BAHCC1: variants seen among roughly 807,000 people sequenced by gnomAD.
BAHCC1 encodes BAH domain and coiled-coil containing 1, also known as BAH and coiled-coil domain-containing protein 1.
BAHCC1 carries 43 observed loss-of-function variants against 88.2 expected under a neutral mutation model. The ratio of observed to expected loss-of-function variants is 0.49; its 90% CI spans 0.38 to 0.63. BAHCC1 has a LOEUF of 0.63. Among genes scored for constraint, BAHCC1 ranks in the 20% least tolerant of loss-of-function variants. BAHCC1 has a pLI of 0.00. For synonymous variants in BAHCC1, 1,510 were observed against 745.5 expected (o/e 2.03, Z -16.71); for missense variants, 3,023 against 1,654.8 (o/e 1.83, Z -14.34).
At chr17:81,450,165 T>C (rs1555655488) in intron 11 of BAHCC1, among the ~76,000 whole-genome samples, 2 of 152,168 alleles carry the variant, frequency 1.3e-5, no homozygotes, top group African/African-American at 4.8e-5. Flanking sequence ...TCCCAGGGGA[T>C]ACCAGCACCT....
chr17:81,421,491 G>A (rs2064115329), intron 2 of BAHCC1, among the ~76,000 whole-genome samples: 1 of 152,248 alleles, frequency 6.6e-6, no homozygotes. Flanking sequence ...AGTGGGATAG[G>A]GAGGGCCTCA....
At chr17:81,416,917 C>T (rs973486075) in intron 2 of BAHCC1, among the ~76,000 whole-genome samples, 4 of 152,188 alleles carry the variant, frequency 2.6e-5, no homozygotes, top group African/African-American at 4.8e-5. Context: ...CCCTACAGCC[C>T]GGCTCTGTCG....
chr17:81,450,612 G>C lies in BAHCC1; in HGVS notation c.3977-1056G>C, dbSNP rs2064615439. On this transcript the variant is annotated intron_variant, in intron 11 of 27. Transcript: ENST00000675386. ...GCCTGCCCCAGGGCTGGAGCGTGCT[G>C]GAAAGGGCTTGGCAGAGCCCAGCAC... Among the ~76,000 whole-genome samples, 7 of 152,244 alleles carry C rather than the reference G, an allele frequency of 4.6e-5. No individual in the cohort carries two copies. In the South Asian group the frequency reaches 1.4e-3, roughly 31 times the overall value.
In BAHCC1 at chr17:81,411,701, C is replaced by T; in HGVS notation, c.178+11784C>T. On this transcript the variant is annotated intron_variant, in intron 2 of 27. Transcript: ENST00000675386. The surrounding 1 kb of genome is among the most constrained non-coding windows in gnomAD (Gnocchi z 6.2). Reference sequence around the variant, plus strand: ...TCCAGGCAGCTCCCCTTCCACTCTGCCCAGCCCACCCTGCCAGGGAGGCCT... The same window carrying T: ...TCCAGGCAGCTCCCCTTCCACTCTGTCCAGCCCACCCTGCCAGGGAGGCCT... 1 of 316,786 alleles carries T rather than the reference C, an allele frequency of 3.2e-6. No individual in the cohort carries two copies. The highest frequency in any genetic ancestry group is 2.4e-5 in the South Asian group (1 of 40,978). The allele number at this position is 316,786 out of a possible 1,614,324, so 19.6% of individuals were successfully genotyped here.
chr17:81,443,226 C>T lies in BAHCC1; in HGVS notation c.1877C>T (p.Pro626Leu), dbSNP rs572608781. Residue 626 changes from proline (P) to leucine (L), a missense_variant, in exon 5 of 28, where the codon CCG becomes CTG. By Grantham distance (98) the Pro-to-Leu change is moderately conservative (BLOSUM62 -3). Transcript: ENST00000675386. ...CTTCTGCCCCAGGAACTGCCTGCGCCGCCGGACGAGGTCTCAGCCATGAAG... is the reference window on the plus strand; with the variant it reads ...CTTCTGCCCCAGGAACTGCCTGCGCTGCCGGACGAGGTCTCAGCCATGAAG... ...AALLPQELPA[P>L]PDEVSAMKNL... 16 of 779,422 alleles carry T rather than the reference C, an allele frequency of 2.1e-5. No individual in the cohort carries two copies. Among genetic ancestry groups the T allele is most frequent in the East Asian group, 4.8e-5 (2 of 41,248 alleles). The allele number at this position is 779,422 out of a possible 1,614,324, so 48.3% of individuals were successfully genotyped here.
At chr17:81,412,802 G>A (rs1452500960) in intron 2 of BAHCC1, among the ~76,000 whole-genome samples, 2 of 152,240 alleles carry the variant, frequency 1.3e-5, no homozygotes, top group African/African-American at 4.8e-5. Context: ...CACAGCTTCT[G>A]TGAGTCGGGA....
chr17:81,444,009 T>C (rs916939041), intron 6 of BAHCC1, 92 bp downstream of exon 6: 1 of 675,558 alleles, frequency 1.5e-6, no homozygotes, highest in Non-Finnish European at 2.7e-6. Context: ...GGGGTGGTCA[T>C]GGCTGGGGCA....
rs556029686 is a variant in BAHCC1, at chr17:81,434,736, G to A, written c.359-3634G>A. 6.6e-6 allele frequency among the ~76,000 whole-genome samples: 1 copy of A among 152,114 alleles called. No homozygotes were observed. The highest frequency in any genetic ancestry group is 2.4e-5 in the African/African-American group (1 of 41,410). On this transcript the variant is annotated intron_variant, in intron 3 of 27. Coordinates refer to ENST00000675386, the MANE Select transcript of BAHCC1 (RefSeq NM_001377448.1). The surrounding 1 kb of genome is among the most constrained non-coding windows in gnomAD (Gnocchi z 4.9). Reference sequence around the variant, plus strand: ...TCCACGGCAGGGATGCTCCCTGGAAGGGCAGCCTGGGGGGTGGGTTGTGGC... The same window carrying A: ...TCCACGGCAGGGATGCTCCCTGGAAAGGCAGCCTGGGGGGTGGGTTGTGGC...
Position 81,458,555 on chromosome 17 carries a change from A to G in BAHCC1, c.5344-66A>G, listed in dbSNP as rs1254947641. 6 of 563,724 alleles carry G rather than the reference A, an allele frequency of 1.1e-5. No individual in the cohort carries two copies. In the East Asian group the frequency reaches 1.8e-4, roughly 17 times the overall value. 34.9% of individuals were successfully genotyped at this position (563,724 alleles called of 1,614,324 possible). ...GCCCTCCCCCGCACGCTGGCCCCTG[A>G]GCTCTGGGTCAACCTGAGGCTGTCC... On this transcript the variant is annotated intron_variant, in intron 18 of 27. Transcript: ENST00000675386.
At chr17:81,438,137 C>T (rs548506561) in intron 3 of BAHCC1, among the ~76,000 whole-genome samples, 2 of 152,374 alleles carry the variant, frequency 1.3e-5, no homozygotes, top group Admixed American at 6.5e-5. Flanking sequence ...CCGTCCTCCC[C>T]TCTCCCCAGC....
In BAHCC1 at chr17:81,460,330, G is replaced by A. The variant is rs781919135; in HGVS notation, c.5959G>A (p.Asp1987Asn). 1.8e-5 allele frequency: 14 copies of A among 776,710 alleles called. No homozygotes were observed. The highest frequency in any genetic ancestry group is 4.1e-5 in the South Asian group (3 of 73,762). The allele number at this position is 776,710 out of a possible 1,614,324, so 48.1% of individuals were successfully genotyped here. The stretch of plus-strand genomic sequence containing the variant: ...GGACTCAGTAGTGGTGGAATTTGAC[G>A]ATGGGGATACAGGCCACATCGCCGT... ...DLDSVVVEFD[D>N]GDTGHIAVSN... Residue 1987 changes from aspartate to asparagine, a missense_variant, in exon 24 of 28, where the codon GAT (aspartate) becomes AAT (asparagine). Transcript: ENST00000675386.
At chr17:81,416,743 C>T (rs1555648804) in intron 2 of BAHCC1, among the ~76,000 whole-genome samples, 1 of 152,222 alleles carries the variant, frequency 6.6e-6, no homozygotes, top group Admixed American at 6.5e-5. Context: ...CTTTCTTCAG[C>T]TGCTCTGGCA....
In BAHCC1 at chr17:81,411,473, C is replaced by CCCCT. The variant is rs1567997907; in HGVS notation, c.178+11557_178+11560dup. On this transcript the variant is annotated intron_variant, in intron 2 of 27. Transcript: ENST00000675386. The surrounding 1 kb of genome is among the most constrained non-coding windows in gnomAD (Gnocchi z 6.2). ...TCCTTGAGGTCGTCAGCCAGCCCCA[C>CCCCT]CCCTGCCTGCCTGCCTGCCTGCCTG... 1 of 286,522 alleles carries CCCCT rather than the reference C, an allele frequency of 3.5e-6. No homozygotes were observed. Among genetic ancestry groups the CCCCT allele is most frequent in the Non-Finnish European group, 7.0e-6 (1 of 142,168 alleles). 17.7% of individuals were successfully genotyped at this position (286,522 alleles called of 1,614,324 possible). A position where few individuals can be genotyped will look rare whatever the true frequency, so the allele number is the denominator to read the frequency against.
chr17:81,401,098 C>T (rs575083196), intron 2 of BAHCC1: 1 of 152,322 alleles, frequency 6.6e-6, no homozygotes, highest in East Asian at 1.9e-4. Flanking sequence ...AATGGGATTA[C>T]AATTAGTGTG....
At chr17:81,397,639 G>T (rs1427622640) in intron 1 of BAHCC1, among the ~76,000 whole-genome samples, 1 of 152,004 alleles carries the variant, frequency 6.6e-6, no homozygotes, top group South Asian at 2.1e-4. Context: ...AGTCCAGCCC[G>T]GGCAGCCCCT....
intron 14 of BAHCC1, among the ~76,000 whole-genome samples, chr17:81,454,668 C>A (rs2064712733): frequency 6.6e-6 from 1 of 152,170 alleles, no homozygotes; most frequent in Non-Finnish European, 1.5e-5. Flanking sequence ...TGCCCCACTC[C>A]TAAGGGTGGT....
At chr17:81,416,203 CGT>C (rs1387998576) in intron 2 of BAHCC1, among the ~76,000 whole-genome samples, 2 of 108,832 alleles carry the variant, frequency 1.8e-5, no homozygotes, top group Non-Finnish European at 3.7e-5. Context: ...GGTGTATGCG[CGT>C]GTGTACGTGT....
Position 81,435,213 on chromosome 17 carries a change from G to A in BAHCC1, c.359-3157G>A, listed in dbSNP as rs1202710084. On this transcript the variant is annotated intron_variant, in intron 3 of 27. Transcript: ENST00000675386. The surrounding 1 kb of genome is among the most constrained non-coding windows in gnomAD (Gnocchi z 4.4). ...GTGAGCTCAGGCCTGGGGGTGGTTG[G>A]GAGGGGTCTGGGGGTGTGGCCATTG... Among the ~76,000 whole-genome samples, 5 of 152,154 alleles carry A rather than the reference G, an allele frequency of 3.3e-5. No homozygotes were observed. Among genetic ancestry groups the A allele is most frequent in the South Asian group, 4.1e-4 (2 of 4,836 alleles).
In BAHCC1 at chr17:81,434,799, G is replaced by T. The variant is rs371441180; in HGVS notation, c.359-3571G>T. On this transcript the variant is annotated intron_variant, in intron 3 of 27. Coordinates refer to ENST00000675386, the MANE Select transcript of BAHCC1 (RefSeq NM_001377448.1). The surrounding 1 kb of genome is among the most constrained non-coding windows in gnomAD (Gnocchi z 4.9). ...TCTGGCAAGAGGAGGAAGGCGCAGG[G>T]CTGGCCTGGAGAGGGCAGGGCCTCG... 1.1e-3 allele frequency among the ~76,000 whole-genome samples: 174 copies of T among 152,202 alleles called. No individual in the cohort carries two copies. Among genetic ancestry groups the T allele is most frequent in the Middle Eastern group, 6.8e-3 (2 of 292 alleles).
Sources: gnomAD v4.1 joint callset for allele counts (sites outside exome capture counted in the v4.1 genomes callset) on GRCh38, gnomAD v4.1.1 for gene constraint, Gnocchi (gnomAD v3.1) non-coding constraint, MANE v1.5 for transcripts, NCBI Gene and HGNC (gene_info 2026-07-23, HGNC 2026-07-21) for gene names.